The following BBS9 variants were observed in gnomAD, a reference collection of about 807,000 sequenced individuals.
The protein encoded by BBS9 is protein PTHB1.
In BBS9, 89 loss-of-function variants were observed where a neutral mutation model predicts 117.7. That is an observed-to-expected ratio of 0.76 (90% confidence interval 0.64 to 0.90). The LOEUF (loss-of-function observed/expected upper bound fraction) is 0.90. Among genes scored for constraint, BBS9 ranks in the 40% least tolerant of loss-of-function variants. BBS9 has a pLI of 0.00. For missense variants in BBS9, 982 were observed against 1,042.2 expected (o/e 0.94, Z 0.80); for synonymous variants, 379 against 370.9 (o/e 1.02, Z -0.25).
At chr7:33,405,687 G>A (rs889515968) in intron 19 of BBS9, among the ~76,000 whole-genome samples, 18 of 152,038 alleles carry the variant, frequency 1.2e-4, no homozygotes, top group African/African-American at 4.3e-4. Context: ...GATCGGTGGT[G>A]GTATCCCTTT....
chr7:33,348,023 CTTAG>C (rs796605857), intron 12 of BBS9, among the ~76,000 whole-genome samples: 178 of 152,102 alleles, frequency 1.2e-3, no homozygotes, highest in African/African-American at 4.1e-3. Flanking sequence ...ATATTATTCA[CTTAG>C]TTAAAGTTAC....
Position 33,348,935 on chromosome 7 carries a change from T to C in BBS9, c.1330-133T>C. The C allele has an allele frequency of 1.1e-5, 7 of 659,908 alleles. No homozygotes were observed. The South Asian group carries it at 1.1e-4, about 10-fold the overall frequency. 40.9% of individuals were successfully genotyped at this position (659,908 alleles called of 1,614,324 possible). ...TTTTAATCTATTACTTACTGTATTA[T>C]GTTTTGTGACTACTCATTTTTTCCT... On this transcript the variant is annotated intron_variant, in intron 12 of 22. Coordinates refer to ENST00000242067, the MANE Select transcript of BBS9 (RefSeq NM_198428.3).
intron 16 of BBS9, among the ~76,000 whole-genome samples, chr7:33,358,912 T>C (rs1584481074): frequency 2.0e-5 from 3 of 151,928 alleles, no homozygotes. Flanking sequence ...TTATTTTTTA[T>C]TAATTTGCAG....
intron 21 of BBS9, among the ~76,000 whole-genome samples, chr7:33,535,466 T>C (rs1289899196): frequency 6.6e-6 from 1 of 152,218 alleles, no homozygotes; most frequent in East Asian, 1.9e-4. Flanking sequence ...ACCTCAACTA[T>C]ACATAGGTAG....
chr7:33,432,982 A>G (rs1346275279), intron 19 of BBS9, among the ~76,000 whole-genome samples: 1 of 152,190 alleles, frequency 6.6e-6, no homozygotes, highest in African/African-American at 2.4e-5. Flanking sequence ...TATGTGACTA[A>G]GAGAGGGTTT....
chr7:33,610,773 G>A (rs574410437), downstream of BBS9, among the ~76,000 whole-genome samples: 16 of 152,074 alleles, frequency 1.1e-4, 1 homozygote, highest in Middle Eastern at 3.4e-3. Context: ...ACCTAGCTTT[G>A]GGCTCAAATG....
At chr7:33,597,997 C>A (rs1863150140) in intron 21 of BBS9, among the ~76,000 whole-genome samples, 1 of 151,846 alleles carries the variant, frequency 6.6e-6, no homozygotes, top group African/African-American at 2.4e-5. Context: ...TCAGCATCAC[C>A]CCCTCTTTAA....
intron 13 of BBS9, among the ~76,000 whole-genome samples, chr7:33,350,096 TTTA>T (rs1327894563): frequency 1.3e-5 from 2 of 152,216 alleles, no homozygotes; most frequent in African/African-American, 4.8e-5. Context: ...CTCCCAACCA[TTTA>T]TATCCAAATT....
chr7:33,318,723 C>G (rs1324126899), intron 9 of BBS9, among the ~76,000 whole-genome samples: 1 of 151,992 alleles, frequency 6.6e-6, no homozygotes, highest in East Asian at 1.9e-4. Context: ...TCTTTTATCC[C>G]TCACCCCCCT....
intron 19 of BBS9, among the ~76,000 whole-genome samples, chr7:33,419,320 C>CT (rs1350069209): frequency 8.6e-5 from 13 of 151,858 alleles, no homozygotes; most frequent in African/African-American, 3.1e-4. Flanking sequence ...TAAAATGTAC[C>CT]TTTTTTGATG....
At position 33,529,147 on chromosome 7, in the gene BBS9, C is replaced by T. The variant is rs118147936; in HGVS notation, c.2299-4807C>T. ...AGAGCTGGCTCACAGAAAAAGGGCA[C>T]ACCAGCAATCACACTGGTACACAAA... On this transcript the variant is annotated intron_variant, in intron 20 of 22. Coordinates refer to ENST00000242067, the MANE Select transcript of BBS9 (RefSeq NM_198428.3). 1.5e-3 allele frequency among the ~76,000 whole-genome samples: 232 copies of T among 152,310 alleles called. 5 individuals carry two copies. The East Asian group carries it at 0.038, about 25-fold the overall frequency.
chr7:33,497,835 A>G (rs1390627690), intron 19 of BBS9, among the ~76,000 whole-genome samples: 1 of 152,208 alleles, frequency 6.6e-6, no homozygotes, highest in Non-Finnish European at 1.5e-5. Flanking sequence ...CAGGGTGATC[A>G]GCTATCCTGC....
In BBS9 at chr7:33,327,961, A is replaced by G. The variant is rs182335545; in HGVS notation, c.1017-8480A>G. On this transcript the variant is annotated intron_variant, in intron 9 of 22. Transcript: ENST00000242067. ...AGCTTTGAGTTGGAGAGGTGGGGCC[A>G]AAATCAGGAACTCATGGGTAGCCAT... 2.6e-5 allele frequency among the ~76,000 whole-genome samples: 4 copies of G among 152,298 alleles called. No individual in the cohort carries two copies. In the East Asian group the frequency reaches 7.7e-4, roughly 29 times the overall value.
intron 21 of BBS9, among the ~76,000 whole-genome samples, chr7:33,599,137 G>C (rs1048355691): frequency 6.6e-6 from 1 of 152,164 alleles, no homozygotes; most frequent in Non-Finnish European, 1.5e-5. Context: ...AGGCAAGCTA[G>C]CTAAGAGGCC....
chr7:33,539,887 C>G (rs1052146874), intron 21 of BBS9, among the ~76,000 whole-genome samples: 9 of 152,170 alleles, frequency 5.9e-5, no homozygotes, highest in Non-Finnish European at 1.0e-4. Context: ...CAGTAATTTC[C>G]TACAGTCAGT....
chr7:33,429,009 A>G (rs13235751), intron 19 of BBS9, among the ~76,000 whole-genome samples: 1 of 152,330 alleles, frequency 6.6e-6, no homozygotes, highest in Admixed American at 6.5e-5. Flanking sequence ...CAATACACTT[A>G]TAAGCATGTT....
intron 19 of BBS9, among the ~76,000 whole-genome samples, chr7:33,424,813 A>G (rs932952525): frequency 6.6e-6 from 1 of 152,094 alleles, no homozygotes; most frequent in Admixed American, 6.6e-5. Flanking sequence ...GCTATTTAAG[A>G]AGGATCTAGA....
intron 19 of BBS9, among the ~76,000 whole-genome samples, chr7:33,393,398 CCT>C (rs1827393775): frequency 6.6e-6 from 1 of 152,032 alleles, no homozygotes; most frequent in African/African-American, 2.4e-5. Context: ...CACACAGAGC[CCT>C]GTTTTTGGTT....
At position 33,513,232 on chromosome 7, in the gene BBS9, G is replaced by C. The variant is rs191088394; in HGVS notation, c.2298+7587G>C. 7.2e-5 allele frequency among the ~76,000 whole-genome samples: 11 copies of C among 152,258 alleles called. No homozygotes were observed. In the East Asian group the frequency reaches 1.2e-3, roughly 16 times the overall value. On this transcript the variant is annotated intron_variant, in intron 20 of 22. Transcript: ENST00000242067. Reference sequence around the variant, plus strand: ...TTCTTCACTTAAAATTGTGTCTCCTGTCTACCCTTCCATCTATTCTCTATT... The same window carrying C: ...TTCTTCACTTAAAATTGTGTCTCCTCTCTACCCTTCCATCTATTCTCTATT...
Sources: allele counts gnomAD v4.1 joint callset (sites outside exome capture counted in the v4.1 genomes callset), GRCh38; gene constraint gnomAD v4.1.1; transcripts MANE v1.5; gene names NCBI Gene and HGNC (gene_info 2026-07-23, HGNC 2026-07-21).